The following MID1 variants were observed in gnomAD, a reference collection of about 807,000 sequenced individuals.
The protein encoded by MID1 is midline 1, also known as E3 ubiquitin-protein ligase Midline-1.
Under a neutral mutation model 40.4 loss-of-function variants are expected in MID1, and 7 were observed. That is an observed-to-expected ratio of 0.17 (90% CI 0.10 to 0.33). MID1 has a LOEUF of 0.33. MID1 is among the 10% of genes least tolerant of loss of function. The pLI, the probability that MID1 is intolerant of heterozygous loss-of-function variation, is 1.00. For synonymous variants in MID1, 229 were observed against 221.2 expected (o/e 1.04, Z -0.31); for missense variants, 367 against 558.5 (o/e 0.66, Z 3.46).
chrX:10,768,841 G>A (rs965034269), intron 1 of MID1, among the ~76,000 whole-genome samples: 3 of 111,021 alleles, frequency 2.7e-5, no homozygotes, highest in African/African-American at 9.8e-5. Flanking sequence ...ATATTTGCCA[G>A]TTTTTATATA....
At chrX:10,747,656 C>T (rs1016267569) in intron 1 of MID1, among the ~76,000 whole-genome samples, 2 of 111,993 alleles carry the variant, frequency 1.8e-5, no homozygotes, top group African/African-American at 6.5e-5. Context: ...TTTCCATTTA[C>T]CTAATAAATG....
intron 2 of MID1, among the ~76,000 whole-genome samples, chrX:10,529,546 T>G (rs900156960): frequency 4.5e-5 from 5 of 112,080 alleles, no homozygotes; most frequent in African/African-American, 1.6e-4. Context: ...TTCTCATCTG[T>G]TAGTTTGAAT....
chrX:10,748,815 T>A (rs2043579228), intron 1 of MID1, among the ~76,000 whole-genome samples: 1 of 111,398 alleles, frequency 9.0e-6, no homozygotes, highest in Admixed American at 9.5e-5. Flanking sequence ...CCCCATTAAT[T>A]AAATCTGTGC....
At chrX:10,645,458 G>A (rs1189739510) in intron 1 of MID1, among the ~76,000 whole-genome samples, 3 of 112,218 alleles carry the variant, frequency 2.7e-5, no homozygotes, top group Non-Finnish European at 5.6e-5. Context: ...AAAACTTAGT[G>A]GTTGGTGCAA....
intron 2 of MID1, among the ~76,000 whole-genome samples, chrX:10,564,323 T>C (rs1934443929): frequency 8.9e-6 from 1 of 112,522 alleles, no homozygotes; most frequent in Admixed American, 9.4e-5. Flanking sequence ...AAAACAAGGA[T>C]GTACATATGT....
chrX:10,631,980 G>T (rs1054706365), intron 1 of MID1, among the ~76,000 whole-genome samples: 7 of 111,711 alleles, frequency 6.3e-5, no homozygotes, highest in African/African-American at 2.3e-4. Flanking sequence ...CTCCATATTT[G>T]TCTTTCCTTT....
At chrX:10,660,156 C>T (rs2042900973) in intron 1 of MID1, among the ~76,000 whole-genome samples, 1 of 112,032 alleles carries the variant, frequency 8.9e-6, no homozygotes, top group Non-Finnish European at 1.9e-5. Context: ...GCAAATAAAA[C>T]CTAAACCCAA....
intron 1 of MID1, among the ~76,000 whole-genome samples, chrX:10,673,116 G>A (rs2042999500): frequency 8.9e-6 from 1 of 111,902 alleles, no homozygotes; most frequent in African/African-American, 3.2e-5. Flanking sequence ...TATACTATGA[G>A]AGTACCAGAC....
intron 1 of MID1, among the ~76,000 whole-genome samples, chrX:10,704,765 C>CAG (rs1555916259): frequency 1.5e-3 from 141 of 91,602 alleles, no homozygotes; most frequent in African/African-American, 3.4e-3. Flanking sequence ...CACACACACA[C>CAG]AGAGAGAGAG....
At position 10,545,034 on chromosome X, in the gene MID1, G is replaced by A. The variant is rs928930575; in HGVS notation, c.661-21847C>T. Among the ~76,000 whole-genome samples the A allele has an allele frequency of 2.7e-5, 3 of 111,155 alleles. No homozygotes were observed. The Admixed American group carries it at 2.9e-4, about 11-fold the overall frequency. ...TGCAGTGGTGTGATCTCGGCTCACT[G>A]CAACCTCCACCTACCAGGTTCAAGT... On this transcript the variant is annotated intron_variant, in intron 2 of 9. Coordinates refer to ENST00000317552, the MANE Select transcript of MID1 (RefSeq NM_000381.4).
chrX:10,637,568 T>A (rs1936133801), intron 1 of MID1, among the ~76,000 whole-genome samples: 1 of 106,437 alleles, frequency 9.4e-6, no homozygotes, highest in African/African-American at 3.5e-5. Flanking sequence ...GAGGTTGGAG[T>A]GAGCCGAGAT....
In MID1 at chrX:10,616,325, C is replaced by T. The variant is rs758158748; in HGVS notation, c.-57+3965G>A. Among the ~76,000 whole-genome samples, 17 of 112,538 alleles carry T rather than the reference C, an allele frequency of 1.5e-4. 1 individual carries two copies. The highest frequency in any genetic ancestry group is 3.8e-5 in the Non-Finnish European group (2 of 53,310). On this transcript the variant is annotated intron_variant, in intron 1 of 9. Transcript: ENST00000317552. ...CACTTGTTTAAAAATAATTAAATTA[C>T]GTCTGCAAGATACTCTGGTGCGCTT...
chrX:10,717,761 C>A (rs2043316674), intron 1 of MID1, among the ~76,000 whole-genome samples: 1 of 111,111 alleles, frequency 9.0e-6, no homozygotes, highest in African/African-American at 3.3e-5. Context: ...TGGCACCACA[C>A]CACACCTATT....
In MID1 at chrX:10,800,591, C is replaced by T. The variant is rs139594356; in HGVS notation, c.-187+32963G>A. ...CCACAAAAAGGCAATTGGCTTGCCA[C>T]ATGTAGCCACCAGTGTGAGACCCAT... On this transcript the variant is annotated intron_variant, in intron 1 of 10. Coordinates refer to the MID1 transcript ENST00000380785. Among the ~76,000 whole-genome samples the T allele has an allele frequency of 6.9e-3, 768 of 111,976 alleles. 4 individuals are homozygous for T. Among genetic ancestry groups the T allele is most frequent in the Non-Finnish European group, 0.01 (553 of 53,212 alleles).
At chrX:10,573,443 A>C (rs1051255948) in intron 1 of MID1, among the ~76,000 whole-genome samples, 1 of 112,080 alleles carries the variant, frequency 8.9e-6, no homozygotes, top group Non-Finnish European at 1.9e-5. Flanking sequence ...GAACCAATCT[A>C]GTCTCCATGA....
chrX:10,726,761 T>A (rs2043394318), intron 1 of MID1, among the ~76,000 whole-genome samples: 1 of 112,691 alleles, frequency 8.9e-6, no homozygotes, highest in Admixed American at 9.4e-5. Context: ...GTAACCACTA[T>A]ACTTCAGCAT....
At chrX:10,467,098 T>C (rs73492938) in intron 7 of MID1, among the ~76,000 whole-genome samples, 2,450 of 111,095 alleles carry the variant, frequency 0.022, 56 homozygotes, top group African/African-American at 0.077. Flanking sequence ...CTATAGAAGA[T>C]GGGATAAATA....
intron 1 of MID1, among the ~76,000 whole-genome samples, chrX:10,790,551 T>A (rs1187117903): frequency 2.7e-5 from 3 of 110,592 alleles, no homozygotes; most frequent in African/African-American, 6.6e-5. Context: ...CTTTCCTACT[T>A]GGGTGCCATT....
At chrX:10,653,142 T>C (rs1339629071) in intron 1 of MID1, among the ~76,000 whole-genome samples, 1 of 112,172 alleles carries the variant, frequency 8.9e-6, no homozygotes, top group Non-Finnish European at 1.9e-5. Flanking sequence ...AAGGCACAGA[T>C]GCTTTACTGT....
Sources: allele counts gnomAD v4.1 joint callset (sites outside exome capture counted in the v4.1 genomes callset), GRCh38; gene constraint gnomAD v4.1.1; transcripts MANE v1.5; gene names NCBI Gene and HGNC (gene_info 2026-07-23, HGNC 2026-07-21).